ASPH: variants seen among roughly 807,000 people sequenced by gnomAD.
ASPH encodes the protein aspartyl/asparaginyl beta-hydroxylase.
Under a neutral mutation model 118.4 loss-of-function variants are expected in ASPH, and 100 were observed. The ratio of observed to expected loss-of-function variants is 0.84; its 90% CI spans 0.72 to 1.00. The LOEUF (loss-of-function observed/expected upper bound fraction) is 1.00. Among genes scored for constraint, ASPH ranks in the 50% least tolerant of loss-of-function variants. The pLI is 0.00. For synonymous variants in ASPH, 315 were observed against 325.6 expected, an observed-to-expected ratio of 0.97 and a Z score of 0.35; for missense variants, 920 against 919.5, an observed-to-expected ratio of 1.00 and a Z score of -0.01.
intron 16 of ASPH, among the ~76,000 whole-genome samples, chr8:61,574,320 C>T (rs573699829): frequency 1.3e-5 from 2 of 152,262 alleles, no homozygotes; most frequent in Non-Finnish European, 1.5e-5. Context: ...ACAAGAAATA[C>T]CATTTGACCC....
intron 21 of ASPH, among the ~76,000 whole-genome samples, chr8:61,539,699 G>GGTGGGTGTGTGTGTGTGTGTGT (rs1554618409): frequency 4.0e-5 from 5 of 124,306 alleles, no homozygotes; most frequent in Admixed American, 1.7e-4. Context: ...ACACTTCTGG[G>GGTGGGTGTGTGTGTGTGTGTGT]GTGTGTGTGT....
intron 3 of ASPH, chr8:61,664,306 A>G (rs1487977161): frequency 1.0e-6 from 1 of 970,096 alleles, no homozygotes; most frequent in African/African-American, 1.8e-5. Context: ...TGAAAAATGT[A>G]TGCCATTCAA....
chr8:61,662,727 A>G (rs1817556514), intron 3 of ASPH: 1 of 478,552 alleles, frequency 2.1e-6, no homozygotes, highest in Non-Finnish European at 2.7e-6. Context: ...GTTCTAGTCT[A>G]CAAGTGCTTT....
chr8:61,710,883 A>C (rs1484780506), intron 1 of ASPH, among the ~76,000 whole-genome samples: 2 of 152,182 alleles, frequency 1.3e-5, no homozygotes, highest in African/African-American at 4.8e-5. Flanking sequence ...TAAACTCAGA[A>C]GTGTGTTTCT....
In ASPH at chr8:61,616,942, G is replaced by A. The variant is rs919155068; in HGVS notation, c.976+2036C>T. 2.6e-5 allele frequency among the ~76,000 whole-genome samples: 4 copies of A among 152,204 alleles called. 1 individual carries two copies. The highest frequency in any genetic ancestry group is 2.0e-4 in the Admixed American group (3 of 15,278). ...ACTTGTCTAGAACAATTCCTGGCAT[G>A]TAGTTGGCACACTAATTTTAAGGGG... On this transcript the variant is annotated intron_variant, in intron 14 of 24. Transcript: ENST00000379454.
chr8:61,689,793 C>G, intron 1 of ASPH: 1 of 1,493,254 alleles, frequency 6.7e-7, no homozygotes, highest in Admixed American at 2.4e-5. Flanking sequence ...CATGCACTTG[C>G]CTACCAGAGC....
chr8:61,595,353 T>C (rs1016372491), intron 14 of ASPH, among the ~76,000 whole-genome samples: 4 of 152,158 alleles, frequency 2.6e-5, no homozygotes, highest in Non-Finnish European at 5.9e-5. Context: ...TATTACCCAA[T>C]AGAGAAAATA....
At chr8:61,624,357 T>G (rs993398661) in intron 13 of ASPH, 2 of 985,290 alleles carry the variant, frequency 2.0e-6, no homozygotes, top group Non-Finnish European at 2.4e-6. Flanking sequence ...TGTAGCATGA[T>G]AGTAAATGCA....
rs1227189682 is a variant in ASPH at position 61,634,239 on chromosome 8, G to GGTAGAT, written c.890-518_890-513dup. 2.6e-5 allele frequency among the ~76,000 whole-genome samples: 4 copies of GGTAGAT among 152,118 alleles called. No homozygotes were observed. The East Asian group carries it at 7.7e-4, about 29-fold the overall frequency. Reference sequence around the variant, plus strand: ...TCAACCCAGTTACAATTAAAGAGATGGTAGATGTCCCCACCCAGTGATTTA... The same window carrying GGTAGAT: ...TCAACCCAGTTACAATTAAAGAGATGGTAGATGTAGATGTCCCCACCCAGTGATTTA... On this transcript the variant is annotated intron_variant, in intron 12 of 24. Transcript: ENST00000379454.
intron 13 of ASPH, among the ~76,000 whole-genome samples, chr8:61,627,128 G>T (rs1269030947): frequency 6.6e-6 from 1 of 152,084 alleles, no homozygotes; most frequent in East Asian, 1.9e-4. Context: ...CAACATAAAT[G>T]AATGCTTCTA....
At chr8:61,690,220 TTGAA>T (rs1302422975) in intron 1 of ASPH, among the ~76,000 whole-genome samples, 1 of 152,190 alleles carries the variant, frequency 6.6e-6, no homozygotes, top group Non-Finnish European at 1.5e-5. Context: ...ATTAGATTGC[TTGAA>T]TGAAACAAAA....
chr8:61,701,427 CT>C, intron 1 of ASPH, among the ~76,000 whole-genome samples: 1 of 152,174 alleles, frequency 6.6e-6, no homozygotes, highest in East Asian at 1.9e-4. Context: ...TAAAAATTAG[CT>C]TGGGTACTTA....
Position 61,684,075 on chromosome 8 carries a change from C to T in ASPH, c.217G>A (p.Val73Ile), listed in dbSNP as rs774320459. The change falls in exon 2 of 25, where the codon GTT (valine) becomes ATT (isoleucine). Residue 73 changes from valine to isoleucine, a missense_variant. Physicochemically the swap from Val to Ile is conservative, Grantham distance 29 (BLOSUM62 3). Coordinates refer to ENST00000379454, the MANE Select transcript of ASPH (RefSeq NM_004318.4). ...LLGVWTSVAV[V>I]WFDLVDYEEV... ...TCATAGTCAACAAGATCAAACCAAACGACAGCTACAGATGTCCAGACGCCC... is the reference window on the plus strand; with the variant it reads ...TCATAGTCAACAAGATCAAACCAAATGACAGCTACAGATGTCCAGACGCCC... The T allele has an allele frequency of 1.0e-4, 161 of 1,613,548 alleles. No homozygotes were observed. Among genetic ancestry groups the T allele is most frequent in the South Asian group, 3.1e-4 (28 of 91,058 alleles).
chr8:61,712,971 G>T (rs1838407217), intron 1 of ASPH, among the ~76,000 whole-genome samples: 1 of 152,224 alleles, frequency 6.6e-6, no homozygotes, highest in Admixed American at 6.5e-5. Flanking sequence ...ATTTAGGGAT[G>T]TTAAAAAAGA....
intron 1 of ASPH, among the ~76,000 whole-genome samples, chr8:61,704,388 T>G (rs887973376): frequency 4.0e-5 from 6 of 151,696 alleles, no homozygotes; most frequent in Admixed American, 6.6e-5. Flanking sequence ...TCAAAATTAA[T>G]GTGAAAATGC....
At chr8:61,540,783 A>C (rs1821575282) in intron 21 of ASPH, among the ~76,000 whole-genome samples, 1 of 152,128 alleles carries the variant, frequency 6.6e-6, no homozygotes, top group South Asian at 2.1e-4. Flanking sequence ...GTAGAGCAAG[A>C]AGTAAGTTGA....
At chr8:61,564,908 T>C (rs1042917584) in intron 17 of ASPH, among the ~76,000 whole-genome samples, 13 of 152,232 alleles carry the variant, frequency 8.5e-5, no homozygotes, top group African/African-American at 3.1e-4. Flanking sequence ...TCTGTCCATG[T>C]AACTATCTTG....
rs79348883 is a variant in ASPH, at chr8:61,705,293, G to A, written c.103+8976C>T. Among the ~76,000 whole-genome samples the A allele has an allele frequency of 3.5e-3, 537 of 152,246 alleles. 3 individuals carry two copies. The highest frequency in any genetic ancestry group is 0.02 in the Middle Eastern group (6 of 294). ...GCAGATCAAAAAAGCTACTCAGCAG[G>A]TATTAAGCTTATTACCTGTGTGACA... On this transcript the variant is annotated intron_variant, in intron 1 of 24. Transcript: ENST00000379454.
At position 61,649,605 on chromosome 8, in the gene ASPH, C is replaced by T. The variant is rs116123711; in HGVS notation, c.490+1445G>A. On this transcript the variant is annotated intron_variant, in intron 5 of 24. Coordinates refer to ENST00000379454, the MANE Select transcript of ASPH (RefSeq NM_004318.4). ...ACAAGTCCAAGAAGGAGGCTGTGGC[C>T]AGAACACGGTGCTAGACTTGACTAC... is the stretch of plus-strand genomic sequence containing the variant. 5.5e-3 allele frequency among the ~76,000 whole-genome samples: 839 copies of T among 152,208 alleles called. 9 individuals are homozygous for T. The highest frequency in any genetic ancestry group is 0.019 in the African/African-American group (788 of 41,514).
Sources: gnomAD v4.1 joint callset for allele counts (sites outside exome capture counted in the v4.1 genomes callset) on GRCh38, gnomAD v4.1.1 for gene constraint, MANE v1.5 for transcripts, NCBI Gene and HGNC (gene_info 2026-07-23, HGNC 2026-07-21) for gene names.